GABRB1: variants seen among roughly 807,000 people sequenced by gnomAD.
GABRB1 encodes gamma-aminobutyric acid type A receptor subunit beta1, also known as gamma-aminobutyric acid receptor subunit beta-1.
A neutral mutation model predicts 51.6 loss-of-function variants in GABRB1; 17 were observed. The observed-to-expected ratio is 0.33, with a 90% CI of 0.23 to 0.49. The LOEUF (loss-of-function observed/expected upper bound fraction) is 0.49. Among genes scored for constraint, GABRB1 ranks in the 20% least tolerant of loss-of-function variants. GABRB1 has a pLI of 0.99. For synonymous variants in GABRB1, 247 were observed against 218.9 expected (o/e 1.13, Z -1.14); for missense variants, 410 against 600.6 (o/e 0.68, Z 3.32).
At chr4:47,413,446 T>G (rs1728822989) in intron 8 of GABRB1, among the ~76,000 whole-genome samples, 1 of 152,244 alleles carries the variant, frequency 6.6e-6, no homozygotes, top group African/African-American at 2.4e-5. Context: ...CTATTCAGTG[T>G]GTCATTTCAG....
At chr4:47,165,432 A>G (rs1718141163) in intron 4 of GABRB1, among the ~76,000 whole-genome samples, 1 of 151,956 alleles carries the variant, frequency 6.6e-6, no homozygotes, top group Non-Finnish European at 1.5e-5. Flanking sequence ...ATCTCCAACA[A>G]CATGGTTCCC....
chr4:47,086,488 G>A (rs1560527492), intron 3 of GABRB1, among the ~76,000 whole-genome samples: 1 of 152,094 alleles, frequency 6.6e-6, no homozygotes, highest in African/African-American at 2.4e-5. Context: ...ACTAGAGAAA[G>A]GGCAGTATTA....
At chr4:47,019,619 T>TTCTCTCTC (rs1175048632) in intron 1 of GABRB1, among the ~76,000 whole-genome samples, 3,145 of 107,778 alleles carry the variant, frequency 0.029, 156 homozygotes, top group East Asian at 0.035. Flanking sequence ...CTTTCTTTCT[T>TTCTCTCTC]TCTCTCTCTT....
At chr4:47,300,503 G>A (rs904270048) in intron 4 of GABRB1, among the ~76,000 whole-genome samples, 4 of 151,872 alleles carry the variant, frequency 2.6e-5, no homozygotes, top group African/African-American at 9.7e-5. Context: ...ATTAATGTTA[G>A]CATATTTTAT....
At chr4:47,247,974 T>A (rs186519745) in intron 4 of GABRB1, among the ~76,000 whole-genome samples, 2 of 152,240 alleles carry the variant, frequency 1.3e-5, no homozygotes, top group African/African-American at 4.8e-5. Flanking sequence ...CAGTTTAAAT[T>A]CCTCTTTACT....
At chr4:47,297,194 A>G (rs1003840453) in intron 4 of GABRB1, among the ~76,000 whole-genome samples, 5 of 151,272 alleles carry the variant, frequency 3.3e-5, no homozygotes, top group Admixed American at 2.6e-4. Flanking sequence ...ATCACAATTA[A>G]AAGAACTAGA....
intron 4 of GABRB1, among the ~76,000 whole-genome samples, chr4:47,177,605 A>G (rs1718754362): frequency 6.6e-6 from 1 of 152,080 alleles, no homozygotes; most frequent in African/African-American, 2.4e-5. Context: ...ACTTGTTACT[A>G]GTGTCTCTTC....
intron 1 of GABRB1, among the ~76,000 whole-genome samples, chr4:47,022,479 CAA>C (rs1305097150): frequency 6.6e-6 from 1 of 152,124 alleles, no homozygotes; most frequent in African/African-American, 2.4e-5. Context: ...TTATTTTTCT[CAA>C]GAGTGTTTTA....
chr4:47,156,053 T>C (rs1717685609), intron 3 of GABRB1, among the ~76,000 whole-genome samples: 1 of 151,152 alleles, frequency 6.6e-6, no homozygotes, highest in Non-Finnish European at 1.5e-5. Context: ...AGATATCTCA[T>C]TGATATATTG....
chr4:47,135,494 C>T (rs1716602661), intron 3 of GABRB1, among the ~76,000 whole-genome samples: 1 of 152,108 alleles, frequency 6.6e-6, no homozygotes. Flanking sequence ...GCCACTGAGA[C>T]ATTTTAGTGG....
At chr4:47,239,890 G>C (rs931969165) in intron 4 of GABRB1, among the ~76,000 whole-genome samples, 8 of 152,122 alleles carry the variant, frequency 5.3e-5, no homozygotes, top group Non-Finnish European at 7.4e-5. Flanking sequence ...CTGCTGCCAC[G>C]GGGCTCAGTG....
At chr4:47,377,420 C>T (rs1299031285) in intron 5 of GABRB1, among the ~76,000 whole-genome samples, 1 of 149,132 alleles carries the variant, frequency 6.7e-6, no homozygotes, top group African/African-American at 2.5e-5. Context: ...AAGTTTCTTC[C>T]TTCTGGTGGG....
chr4:47,148,524 A>T (rs1184083057), intron 3 of GABRB1, among the ~76,000 whole-genome samples: 2 of 152,094 alleles, frequency 1.3e-5, no homozygotes, highest in Non-Finnish European at 2.9e-5. Flanking sequence ...AGGGAAATAT[A>T]GTTGCTACTA....
At chr4:47,001,292 C>A (rs6447521) in intron 1 of GABRB1, among the ~76,000 whole-genome samples, 268 of 151,546 alleles carry the variant, frequency 1.8e-3, no homozygotes, top group African/African-American at 4.1e-3. Context: ...ACAGGCGCCC[C>A]CCACCACGCC....
In GABRB1 at chr4:47,099,775, T is replaced by C. The variant is rs142904401; in HGVS notation, c.241-61474T>C. 8.8e-4 allele frequency among the ~76,000 whole-genome samples: 134 copies of C among 151,966 alleles called. 2 individuals carry two copies. The highest frequency in any genetic ancestry group is 3.0e-3 in the African/African-American group (123 of 41,482). On this transcript the variant is annotated intron_variant, in intron 3 of 8. Coordinates refer to ENST00000295454, the MANE Select transcript of GABRB1 (RefSeq NM_000812.4). ...ATTGTGTATGCTTCTGCAAGTGTATTCAAAACTGAGACGTACAATGTTGTC... is the reference window on the plus strand; with the variant it reads ...ATTGTGTATGCTTCTGCAAGTGTATCCAAAACTGAGACGTACAATGTTGTC...
At chr4:47,133,549 C>T (rs1183737444) in intron 3 of GABRB1, among the ~76,000 whole-genome samples, 1 of 152,186 alleles carries the variant, frequency 6.6e-6, no homozygotes, top group African/African-American at 2.4e-5. Flanking sequence ...CACATGGCAG[C>T]AGTGATCTTG....
intron 4 of GABRB1, among the ~76,000 whole-genome samples, chr4:47,234,610 A>G (rs1313474713): frequency 1.3e-5 from 2 of 152,058 alleles, no homozygotes; most frequent in Admixed American, 6.6e-5. Context: ...AAAATTTTCC[A>G]TCACTTTTCC....
chr4:47,261,875 C>A (rs1381205344), intron 4 of GABRB1, among the ~76,000 whole-genome samples: 1 of 152,102 alleles, frequency 6.6e-6, no homozygotes, highest in East Asian at 1.9e-4. Context: ...ACAGAGCCCT[C>A]AGAAATAACG....
At chr4:47,018,949 C>G (rs371061234) in intron 1 of GABRB1, among the ~76,000 whole-genome samples, 1 of 152,142 alleles carries the variant, frequency 6.6e-6, no homozygotes. Context: ...CATTTTTGCT[C>G]TTATCTTTAC....
Sources: gnomAD v4.1 joint callset for allele counts (sites outside exome capture counted in the v4.1 genomes callset) on GRCh38, gnomAD v4.1.1 for gene constraint, MANE v1.5 for transcripts, NCBI Gene and HGNC (gene_info 2026-07-23, HGNC 2026-07-21) for gene names.